Variants in FAM227B observed in about 807,000 individuals in gnomAD.
FAM227B encodes protein FAM227B.
Under a neutral mutation model 73.8 loss-of-function variants are expected in FAM227B, and 88 were observed. The ratio of observed to expected loss-of-function variants is 1.19; its 90% CI spans 1.00 to 1.42. The LOEUF is 1.42. Among genes scored for constraint, FAM227B ranks in the 40% most tolerant of loss-of-function variants. The pLI, the probability that FAM227B is intolerant of heterozygous loss-of-function variation, is 0.00. For synonymous variants in FAM227B, 210 were observed against 190.5 expected (o/e 1.10, Z -0.84); for missense variants, 632 against 590.9 (o/e 1.07, Z -0.72).
intron 13 of FAM227B, among the ~76,000 whole-genome samples, chr15:49,346,798 T>C (rs1004225390): frequency 6.6e-6 from 1 of 152,212 alleles, no homozygotes; most frequent in Non-Finnish European, 1.5e-5. Context: ...TCCTACTTTA[T>C]ACACTAGAAT....
At chr15:49,458,698 T>G (rs2053533683) in intron 11 of FAM227B, among the ~76,000 whole-genome samples, 1 of 152,132 alleles carries the variant, frequency 6.6e-6, no homozygotes, top group Non-Finnish European at 1.5e-5. Flanking sequence ...ATCAACTTCA[T>G]AATAATGTTT....
intron 13 of FAM227B, among the ~76,000 whole-genome samples, chr15:49,356,348 G>T (rs1476344736): frequency 6.7e-6 from 1 of 150,298 alleles, no homozygotes; most frequent in Non-Finnish European, 1.5e-5. Flanking sequence ...CATCTCATGT[G>T]CAGAGACACA....
At chr15:49,606,234 G>A (rs1417359560) in intron 3 of FAM227B, 1 of 151,902 alleles carries the variant, frequency 6.6e-6, no homozygotes, top group Non-Finnish European at 1.5e-5. Flanking sequence ...AAGGGATAAA[G>A]GTTATTTTGC....
At chr15:49,460,866 G>C (rs936504333) in intron 11 of FAM227B, among the ~76,000 whole-genome samples, 20 of 152,086 alleles carry the variant, frequency 1.3e-4, no homozygotes, top group African/African-American at 3.9e-4. Flanking sequence ...ATTATGTTTT[G>C]TTTTGTCTTT....
At chr15:49,355,134 TG>T (rs993191452) in intron 13 of FAM227B, among the ~76,000 whole-genome samples, 1 of 150,612 alleles carries the variant, frequency 6.6e-6, no homozygotes, top group East Asian at 2.0e-4. Flanking sequence ...ACCACAAAGA[TG>T]GGGAAAAAAC....
At chr15:49,567,568 TG>T (rs2074760026) in intron 9 of FAM227B, among the ~76,000 whole-genome samples, 2 of 152,174 alleles carry the variant, frequency 1.3e-5, no homozygotes, top group Non-Finnish European at 2.9e-5. Context: ...CTTTTTATTT[TG>T]GGTATGGCTT....
At chr15:49,616,135 C>G (rs1348530757) in intron 1 of FAM227B, among the ~76,000 whole-genome samples, 1 of 152,108 alleles carries the variant, frequency 6.6e-6, no homozygotes, top group Non-Finnish European at 1.5e-5. Context: ...ATCATGCCCC[C>G]ACCCCAAATT....
intron 11 of FAM227B, among the ~76,000 whole-genome samples, chr15:49,404,546 G>T (rs1029141354): frequency 6.6e-6 from 1 of 151,636 alleles, no homozygotes; most frequent in Non-Finnish European, 1.5e-5. Context: ...TATGTTTGTT[G>T]GTTTAAAGTT....
intron 9 of FAM227B, among the ~76,000 whole-genome samples, chr15:49,553,518 C>T (rs952220360): frequency 6.6e-6 from 1 of 152,164 alleles, no homozygotes; most frequent in East Asian, 1.9e-4. Flanking sequence ...TTCAGGGTGG[C>T]GAGGTTCCCC....
At chr15:49,357,383 T>TA (rs1191146678) in intron 13 of FAM227B, among the ~76,000 whole-genome samples, 4 of 147,994 alleles carry the variant, frequency 2.7e-5, no homozygotes, top group African/African-American at 9.9e-5. Context: ...ATAGACGCAA[T>TA]AAAAAATGAT....
intron 11 of FAM227B, among the ~76,000 whole-genome samples, chr15:49,389,061 A>C (rs1394188420): frequency 6.6e-6 from 1 of 151,978 alleles, no homozygotes; most frequent in South Asian, 2.1e-4. Context: ...AATTAGTACA[A>C]CCTCTATGGA....
At chr15:49,489,883 T>TAGAGAG (rs35994302) in intron 11 of FAM227B, among the ~76,000 whole-genome samples, 296 of 22,950 alleles carry the variant, frequency 0.013, 44 homozygotes, top group East Asian at 0.024. Context: ...TATATATATA[T>TAGAGAG]AGAGAGAGAG....
intron 10 of FAM227B, among the ~76,000 whole-genome samples, chr15:49,524,355 C>A (rs757398509): frequency 6.6e-6 from 1 of 152,144 alleles, no homozygotes; most frequent in Non-Finnish European, 1.5e-5. Flanking sequence ...AAGCCCCAAG[C>A]CTTGGCAGCC....
intron 14 of FAM227B, among the ~76,000 whole-genome samples, chr15:49,332,090 CA>C (rs201411829): frequency 0.35 from 21,351 of 60,366 alleles, 2,033 homozygotes; most frequent in South Asian, 0.41. Flanking sequence ...ACACGTGCCA[CA>C]CACACACACA....
chr15:49,614,372 GA>G (rs1416693931), intron 2 of FAM227B, among the ~76,000 whole-genome samples: 2 of 152,106 alleles, frequency 1.3e-5, no homozygotes, highest in African/African-American at 4.8e-5. Context: ...TGAATGCCAG[GA>G]GGCAGGACCA....
chr15:49,598,636 G>T (rs2077018176), intron 3 of FAM227B, among the ~76,000 whole-genome samples: 1 of 151,948 alleles, frequency 6.6e-6, no homozygotes, highest in Admixed American at 6.6e-5. Flanking sequence ...CACCTAATTT[G>T]CTGAGAGTTT....
rs1448091838 is a variant in FAM227B at position 49,328,154 on chromosome 15, G to T, written c.*414C>A. 1 of 1,612,674 alleles carries T rather than the reference G, an allele frequency of 6.2e-7. No homozygotes were observed. The highest frequency in any genetic ancestry group is 8.5e-7 in the Non-Finnish European group (1 of 1,179,386). ...AGGTGGGGCTTTGGTTTTGCTTGAG[G>T]CCTGAAAAAATGTAAAAAGTCTGAG... On this transcript the variant is annotated 3_prime_UTR_variant, in exon 16 of 16. Coordinates refer to ENST00000299338, the MANE Select transcript of FAM227B (RefSeq NM_152647.3).
intron 11 of FAM227B, among the ~76,000 whole-genome samples, chr15:49,507,184 T>C (rs2058646149): frequency 6.6e-6 from 1 of 151,694 alleles, no homozygotes; most frequent in Non-Finnish European, 1.5e-5. Flanking sequence ...AGAAATCATA[T>C]TGGATGATAT....
intron 11 of FAM227B, among the ~76,000 whole-genome samples, chr15:49,474,849 G>A (rs1395730845): frequency 3.9e-5 from 6 of 152,096 alleles, no homozygotes; most frequent in African/African-American, 7.2e-5. Flanking sequence ...AATGCCTGAC[G>A]ATTTGAAGTG....
Sources: gnomAD v4.1 joint callset for allele counts (sites outside exome capture counted in the v4.1 genomes callset) on GRCh38, gnomAD v4.1.1 for gene constraint, MANE v1.5 for transcripts, NCBI Gene and HGNC (gene_info 2026-07-23, HGNC 2026-07-21) for gene names.